Variants in MICAL2 observed in about 807,000 individuals in gnomAD.
MICAL2 encodes [F-actin]-monooxygenase MICAL2.
In MICAL2, 77 loss-of-function variants were observed where a neutral mutation model predicts 127.3. That is an observed-to-expected ratio of 0.60 (90% confidence interval 0.50 to 0.73). The LOEUF (loss-of-function observed/expected upper bound fraction) is 0.73. Ranked by LOEUF, MICAL2 falls within the 30% of genes least tolerant of loss-of-function variation. MICAL2 has a pLI of 0.00. For missense variants in MICAL2, 1,351 were observed against 1,434.4 expected (o/e 0.94, Z 0.94); for synonymous variants, 570 against 551.1 (o/e 1.03, Z -0.48).
At chr11:12,195,705 CTTTTTT>C (rs35521222) in intron 3 of MICAL2, among the ~76,000 whole-genome samples, 1 of 144,554 alleles carries the variant, frequency 6.9e-6, no homozygotes, top group African/African-American at 2.5e-5. Context: ...CAATAGATTT[CTTTTTT>C]TTTTTTTTTG....
chr11:12,140,952 G>A lies in MICAL2; in HGVS notation c.-78+2492G>A, dbSNP rs116568409. 5.4e-3 allele frequency among the ~76,000 whole-genome samples: 817 copies of A among 152,294 alleles called. 6 individuals are homozygous for A. Among genetic ancestry groups the A allele is most frequent in the African/African-American group, 0.019 (789 of 41,552 alleles). On this transcript the variant is annotated intron_variant, in intron 2 of 27. Coordinates refer to ENST00000683283, the MANE Select transcript of MICAL2 (RefSeq NM_001282663.2). ...GATATGCAGGGTTCTGTACAGTTAG[G>A]GGAGCCTACCTCTTCCTTCTCACTG... is the stretch of plus-strand genomic sequence containing the variant.
At chr11:12,123,633 TC>T (rs959201605) in intron 1 of MICAL2, among the ~76,000 whole-genome samples, 20 of 152,336 alleles carry the variant, frequency 1.3e-4, no homozygotes, top group African/African-American at 4.8e-4. Flanking sequence ...CACAGCTGCA[TC>T]CCGGGAGAGA....
intron 24 of MICAL2, among the ~76,000 whole-genome samples, chr11:12,268,974 C>G (rs982824049): frequency 9.9e-5 from 15 of 151,924 alleles, no homozygotes; most frequent in African/African-American, 2.7e-4. Context: ...ACTCCAGCCT[C>G]GGCGACGAGC....
chr11:12,239,016 T>C (rs1409381130), intron 16 of MICAL2, among the ~76,000 whole-genome samples: 1 of 152,212 alleles, frequency 6.6e-6, no homozygotes, highest in East Asian at 1.9e-4. Context: ...CAACCCCTGC[T>C]CTTCTCCTCT....
intron 15 of MICAL2, among the ~76,000 whole-genome samples, chr11:12,233,645 T>C (rs1858616431): frequency 6.6e-6 from 1 of 152,244 alleles, no homozygotes; most frequent in African/African-American, 2.4e-5. Context: ...CCTTTTGGTA[T>C]ATAGACTCTT....
In MICAL2 at chr11:12,236,155, C is replaced by T. The variant is rs1859026920; in HGVS notation, c.1996-22C>T. The T allele has an allele frequency of 2.5e-6, 4 of 1,612,488 alleles. No individual in the cohort carries two copies. In the African/African-American group the frequency reaches 4.0e-5, roughly 16 times the overall value. ...GCCCTTGGTGGCCCCCAGAGCTCAC[C>T]CTGCTTTCTTGGCCATTGCAGGTGG... On this transcript the variant is annotated intron_variant, in intron 15 of 27. Transcript: ENST00000683283.
intron 1 of MICAL2, among the ~76,000 whole-genome samples, chr11:12,135,741 A>G (rs1851782364): frequency 6.6e-6 from 1 of 152,082 alleles, no homozygotes; most frequent in Non-Finnish European, 1.5e-5. Context: ...GCACATTTAG[A>G]CACTTCTCTT....
At chr11:12,144,485 G>T (rs1376900876) in intron 2 of MICAL2, among the ~76,000 whole-genome samples, 1 of 152,138 alleles carries the variant, frequency 6.6e-6, no homozygotes, top group African/African-American at 2.4e-5. Flanking sequence ...TGGAACCTAT[G>T]ACCCAGCCTC....
chr11:12,296,841 T>G (rs935700874), downstream of MICAL2, among the ~76,000 whole-genome samples: 2 of 152,074 alleles, frequency 1.3e-5, no homozygotes, highest in Non-Finnish European at 2.9e-5. Flanking sequence ...ACTTTTCATT[T>G]TATTTTGGAG....
At chr11:12,354,650 A>G (rs1428636214) in intron 33 of MICAL2, 1 of 695,076 alleles carries the variant, frequency 1.4e-6, no homozygotes, top group Non-Finnish European at 2.3e-6. Flanking sequence ...AATTACAATA[A>G]AAAATAAAGA....
At chr11:12,222,145 C>G (rs1480849184) in intron 10 of MICAL2, among the ~76,000 whole-genome samples, 1 of 152,192 alleles carries the variant, frequency 6.6e-6, no homozygotes, top group Non-Finnish European at 1.5e-5. Context: ...GCTTTCCAGG[C>G]CTCTCACACC....
At position 12,236,214 on chromosome 11, in the gene MICAL2, G is replaced by A. The variant is rs1330405360; in HGVS notation, c.2033G>A (p.Arg678Gln). 18 of 1,614,034 alleles carry A rather than the reference G, an allele frequency of 1.1e-5. No individual in the cohort carries two copies. The highest frequency in any genetic ancestry group is 1.7e-5 in the Admixed American group (1 of 60,002). ...GQTGENDMNK[R>Q]RRKGFTNLDE... is the part of the protein sequence containing the mutation. The stretch of plus-strand genomic sequence containing the variant: ...ACCGGAGAGAATGACATGAACAAAC[G>A]GAGACGGAAGGGCTTCACCAACCTG... Residue 678 changes from arginine to glutamine, a missense_variant, in exon 16 of 28, where the codon CGG (arginine) becomes CAG (glutamine). Arg to Gln is a conservative substitution (Grantham distance 43). Around this residue, in one of 2 missense-constraint regions of MICAL2, gnomAD observed 752 missense variants for 719.4 expected, o/e 1.05. Transcript: ENST00000683283.
At chr11:12,339,202 A>G (rs1938817587) in intron 32 of MICAL2, among the ~76,000 whole-genome samples, 1 of 152,170 alleles carries the variant, frequency 6.6e-6, no homozygotes, top group Middle Eastern at 3.4e-3. Context: ...CATTCATTTC[A>G]TCTTTCATCG....
At chr11:12,260,834 CT>C (rs562385678) in intron 26 of MICAL2, 116 of 985,298 alleles carry the variant, frequency 1.2e-4, no homozygotes, top group Non-Finnish European at 1.3e-4. Context: ...AGCTTAAAGG[CT>C]TTCCCCCCCA....
At chr11:12,359,269 T>C (rs1217482082), downstream of MICAL2, 1 of 147,872 alleles carries the variant, frequency 6.8e-6, no homozygotes, top group East Asian at 2.0e-4. Context: ...CCCTGGAAAA[T>C]AATGAAAAGC....
intron 3 of MICAL2, among the ~76,000 whole-genome samples, chr11:12,169,298 C>T (rs1855949154): frequency 6.6e-6 from 1 of 152,178 alleles, no homozygotes; most frequent in South Asian, 2.1e-4. Context: ...TGCTTTATCT[C>T]AGTAGGTGTG....
At chr11:12,159,537 A>C (rs1450883210) in intron 2 of MICAL2, among the ~76,000 whole-genome samples, 1 of 152,214 alleles carries the variant, frequency 6.6e-6, no homozygotes, top group East Asian at 1.9e-4. Flanking sequence ...TGTTACAGTA[A>C]GGGAACTGAG....
At chr11:12,143,284 T>G (rs1698965143) in intron 2 of MICAL2, among the ~76,000 whole-genome samples, 1 of 152,100 alleles carries the variant, frequency 6.6e-6, no homozygotes, top group South Asian at 2.1e-4. Context: ...TGGGCATGCT[T>G]TTTTCTTAGC....
chr11:12,195,662 A>G (rs111996201), intron 3 of MICAL2, among the ~76,000 whole-genome samples: 1 of 152,130 alleles, frequency 6.6e-6, no homozygotes, highest in African/African-American at 2.4e-5. Context: ...GTTGAATATG[A>G]AGAAAAATAA....
Sources: allele counts gnomAD v4.1 joint callset (sites outside exome capture counted in the v4.1 genomes callset), GRCh38; gene constraint gnomAD v4.1.1; regional missense constraint gnomAD v4.1.1; transcripts MANE v1.5; gene names NCBI Gene and HGNC (gene_info 2026-07-23, HGNC 2026-07-21).